GABRR3: variants seen among roughly 807,000 people sequenced by gnomAD.
The protein encoded by GABRR3 is gamma-aminobutyric acid receptor subunit rho-3.
GABRR3 carries 29 observed loss-of-function variants against 43.2 expected under a neutral mutation model. The observed-to-expected ratio is 0.67, with a 90% CI of 0.50 to 0.92. GABRR3 has a LOEUF of 0.92. Ranked by LOEUF, GABRR3 falls within the 40% of genes least tolerant of loss-of-function variation. GABRR3 has a pLI of 0.00. For missense variants in GABRR3, 576 were observed against 572.3 expected, an observed-to-expected ratio of 1.01 and a Z score of -0.07; for synonymous variants, 206 against 195.9, an observed-to-expected ratio of 1.05 and a Z score of -0.43.
intron 9 of GABRR3, among the ~76,000 whole-genome samples, chr3:97,990,930 A>C (rs1229022727): frequency 6.6e-6 from 1 of 152,224 alleles, no homozygotes; most frequent in African/African-American, 2.4e-5. Flanking sequence ...AGATTGTAAA[A>C]TCTAAGTTAT....
intron 8 of GABRR3, 134 bp from the exon 9 acceptor site, chr3:97,993,182 T>C (rs1213801334): frequency 8.4e-6 from 5 of 594,850 alleles, no homozygotes; most frequent in Non-Finnish European, 1.4e-5. Flanking sequence ...GGTGTGTGCA[T>C]GTTGACCAGC....
intron 8 of GABRR3, 49 bp from the exon 9 acceptor site, chr3:97,993,097 C>A: frequency 6.9e-7 from 1 of 1,439,846 alleles, no homozygotes; most frequent in Non-Finnish European, 9.4e-7. Context: ...CATTCATTTC[C>A]AGGATCTGGT....
At chr3:98,024,289 G>A (rs1706984040) in intron 3 of GABRR3, among the ~76,000 whole-genome samples, 1 of 149,460 alleles carries the variant, frequency 6.7e-6, no homozygotes, top group South Asian at 2.1e-4. Context: ...AATCTGGGAA[G>A]TGGAGGATGC....
chr3:97,986,205 AAGG>A (rs1706385060), downstream of GABRR3, among the ~76,000 whole-genome samples: 1 of 152,146 alleles, frequency 6.6e-6, no homozygotes, highest in African/African-American at 2.4e-5. Context: ...TTGACTGGAG[AAGG>A]AGATTGGAGA....
chr3:97,991,738 C>T (rs1024923067), intron 9 of GABRR3, among the ~76,000 whole-genome samples: 1 of 152,024 alleles, frequency 6.6e-6, no homozygotes, highest in African/African-American at 2.4e-5. Context: ...TGGGGGCTGA[C>T]AGGAAGGTTC....
At chr3:98,030,137 A>G (rs1198301678) in intron 2 of GABRR3, among the ~76,000 whole-genome samples, 1 of 151,538 alleles carries the variant, frequency 6.6e-6, no homozygotes, top group Non-Finnish European at 1.5e-5. Context: ...AAAGGATATG[A>G]TTAAATCCTT....
chr3:98,001,837 C>G lies in GABRR3; in HGVS notation c.755-70G>C, dbSNP rs1458863631. ...AGAAACACTGCACTTAGTGAAATGA[C>G]CTGCTTCTTTAGACTCCAAGCTCTT... On this transcript the variant is annotated intron_variant, in intron 7 of 9. Coordinates refer to ENST00000621172, the Ensembl canonical transcript of GABRR3. The G allele has an allele frequency of 2.6e-6, 4 of 1,552,524 alleles. No homozygotes were observed. In the East Asian group the frequency reaches 6.8e-5, roughly 26 times the overall value.
chr3:98,027,693 A>T (rs1028944473), intron 2 of GABRR3, among the ~76,000 whole-genome samples: 5 of 152,168 alleles, frequency 3.3e-5, no homozygotes, highest in African/African-American at 1.2e-4. Flanking sequence ...TATACCTTCT[A>T]TTTCCCAAAA....
downstream of GABRR3, among the ~76,000 whole-genome samples, chr3:97,985,906 G>T (rs565011453): frequency 6.6e-6 from 1 of 150,822 alleles, no homozygotes; most frequent in Non-Finnish European, 1.5e-5. Flanking sequence ...TCGCTCTGTC[G>T]CCCAGGCTAG....
intron 3 of GABRR3, among the ~76,000 whole-genome samples, chr3:98,019,561 A>C (rs934287786): frequency 1.3e-5 from 2 of 152,060 alleles, no homozygotes; most frequent in Non-Finnish European, 2.9e-5. Flanking sequence ...ATATTGGATC[A>C]ATTACTATAT....
intron 4 of GABRR3, among the ~76,000 whole-genome samples, chr3:98,015,455 C>T (rs757206208): frequency 8.5e-5 from 13 of 152,168 alleles, no homozygotes; most frequent in African/African-American, 1.4e-4. Flanking sequence ...CTTGGCCTCC[C>T]GAAGTGCTGG....
rs182410407 is a variant in GABRR3, at chr3:98,033,475, T to C, written c.125+1388A>G. On this transcript the variant is annotated intron_variant, in intron 2 of 9. Transcript: ENST00000621172. Reference sequence around the variant, plus strand: ...CTTTTCTTTTTCTTTAAATGTCACCTAAAAAATATACATGGTAGATTTTTT... The same window carrying C: ...CTTTTCTTTTTCTTTAAATGTCACCCAAAAAATATACATGGTAGATTTTTT... 3.7e-4 allele frequency among the ~76,000 whole-genome samples: 57 copies of C among 152,248 alleles called. 1 individual carries two copies. The East Asian group carries it at 0.01, about 28-fold the overall frequency.
At chr3:98,025,703 A>T in intron 2 of GABRR3, 24 bp from the exon 3 acceptor site, 1 of 1,521,758 alleles carries the variant, frequency 6.6e-7, no homozygotes, top group Non-Finnish European at 9.0e-7. Context: ...GGGAAAAAAA[A>T]AACTTCTGAG....
chr3:97,992,957 G>A, exon 9 of GABRR3: 7 of 1,613,630 alleles, frequency 4.3e-6, no homozygotes, highest in Non-Finnish European at 5.9e-6. Flanking sequence ...TGACCCACAG[G>A]TACACATCCA....
chr3:98,028,161 A>G (rs1402959665), intron 2 of GABRR3, among the ~76,000 whole-genome samples: 2 of 152,188 alleles, frequency 1.3e-5, no homozygotes, highest in Non-Finnish European at 2.9e-5. Flanking sequence ...CTGATGATTC[A>G]CTTTCTCCAA....
chr3:98,010,847 G>A (rs952228290), intron 5 of GABRR3, among the ~76,000 whole-genome samples: 5 of 152,140 alleles, frequency 3.3e-5, no homozygotes, highest in Admixed American at 3.3e-4. Flanking sequence ...CACCTGTAAC[G>A]CCAGTACTTT....
chr3:98,028,835 A>C (rs779990268), intron 2 of GABRR3, among the ~76,000 whole-genome samples: 2 of 152,168 alleles, frequency 1.3e-5, no homozygotes, highest in Non-Finnish European at 2.9e-5. Context: ...CCCTCGTTTG[A>C]AGGCCTCTGA....
chr3:98,026,347 G>A (rs192916975), intron 2 of GABRR3, among the ~76,000 whole-genome samples: 2 of 152,224 alleles, frequency 1.3e-5, no homozygotes, highest in East Asian at 1.9e-4. Flanking sequence ...TCTCTAGGAC[G>A]AAGGAAAGCA....
chr3:97,991,272 T>C (rs1023421293), intron 9 of GABRR3, among the ~76,000 whole-genome samples: 2 of 152,220 alleles, frequency 1.3e-5, no homozygotes, highest in East Asian at 1.9e-4. Flanking sequence ...TCACAGACTA[T>C]CCAAATCATT....
Sources: gnomAD v4.1 joint callset for allele counts (sites outside exome capture counted in the v4.1 genomes callset) on GRCh38, gnomAD v4.1.1 for gene constraint, MANE v1.5 for transcripts, NCBI Gene and HGNC (gene_info 2026-07-23, HGNC 2026-07-21) for gene names.